The following USP2 variants were observed in gnomAD, a reference collection of about 807,000 sequenced individuals.
The protein encoded by USP2 is ubiquitin carboxyl-terminal hydrolase 2.
USP2 carries 33 observed loss-of-function variants against 72.0 expected under a neutral mutation model. The observed-to-expected ratio is 0.46, with a 90% CI of 0.35 to 0.61. The LOEUF is 0.61. Ranked by LOEUF, USP2 falls within the 20% of genes least tolerant of loss-of-function variation. The probability of loss-of-function intolerance (pLI) is 0.01; values close to 1 mark genes in which losing one functional copy is unlikely to be tolerated. For synonymous variants in USP2, 296 were observed against 312.5 expected (o/e 0.95, Z 0.56); for missense variants, 691 against 797.8 (o/e 0.87, Z 1.61).
At chr11:119,369,366 T>C (rs1376166897) in intron 2 of USP2, among the ~76,000 whole-genome samples, 1 of 151,776 alleles carries the variant, frequency 6.6e-6, no homozygotes, top group Non-Finnish European at 1.5e-5. Context: ...TGCCTATTAC[T>C]GTTAATGAGG....
chr11:119,361,272 G>A (rs1447144054), intron 2 of USP2, among the ~76,000 whole-genome samples: 3 of 152,242 alleles, frequency 2.0e-5, no homozygotes, highest in Admixed American at 1.3e-4. Context: ...GCCCTATAGC[G>A]GAGGCGGGTG....
chr11:119,361,360 A>G (rs1020249032), intron 2 of USP2, among the ~76,000 whole-genome samples: 2 of 152,190 alleles, frequency 1.3e-5, no homozygotes, highest in African/African-American at 4.8e-5. Context: ...AATCCTGGGC[A>G]TATCTCCAAG....
chr11:119,380,543 G>T (rs1951048119), intron 1 of USP2, among the ~76,000 whole-genome samples: 1 of 152,110 alleles, frequency 6.6e-6, no homozygotes, highest in South Asian at 2.1e-4. Flanking sequence ...CTCTGGCCTT[G>T]GTGCACTTGT....
chr11:119,369,701 C>T (rs774045026), intron 2 of USP2, among the ~76,000 whole-genome samples: 9 of 152,104 alleles, frequency 5.9e-5, no homozygotes, highest in Non-Finnish European at 1.2e-4. Flanking sequence ...GCAGGGCGGG[C>T]GTGATTGTTC....
At chr11:119,364,157 C>T in intron 2 of USP2, 1 of 1,206,034 alleles carries the variant, frequency 8.3e-7, no homozygotes, top group Non-Finnish European at 1.0e-6. Flanking sequence ...CTCAACCTCC[C>T]CGGCGTGCGC....
At chr11:119,377,010 A>C (rs1034461537) in intron 1 of USP2, among the ~76,000 whole-genome samples, 1 of 152,288 alleles carries the variant, frequency 6.6e-6, no homozygotes, top group Non-Finnish European at 1.5e-5. Context: ...AAACATTTTC[A>C]CAATTAAAAA....
chr11:119,371,876 G>C (rs919170190), intron 2 of USP2, among the ~76,000 whole-genome samples: 1 of 152,194 alleles, frequency 6.6e-6, no homozygotes, highest in African/African-American at 2.4e-5. Context: ...CCCATTGTGG[G>C]AGGCACGTGG....
chr11:119,380,936 GGGCTTCCCTTGACT>G (rs1429873239), intron 1 of USP2: 1 of 156,174 alleles, frequency 6.4e-6, no homozygotes, highest in Non-Finnish European at 1.4e-5. Context: ...GGGTTGGCTA[GGGCTTCCCTTGACT>G]GTTGAGAAGT....
chr11:119,380,680 C>T (rs1338147875), intron 1 of USP2: 1 of 154,350 alleles, frequency 6.5e-6, no homozygotes, highest in East Asian at 1.9e-4. Flanking sequence ...CAGAGGACGC[C>T]CTCATTCCAG....
At chr11:119,378,181 G>A (rs973117869) in intron 1 of USP2, among the ~76,000 whole-genome samples, 2 of 152,076 alleles carry the variant, frequency 1.3e-5, no homozygotes, top group African/African-American at 4.8e-5. Flanking sequence ...GTGAGAGGGG[G>A]CCCTGTATCC....
chr11:119,379,376 GGT>G, intron 1 of USP2: 5 of 724,626 alleles, frequency 6.9e-6, no homozygotes, highest in Non-Finnish European at 6.8e-6. Flanking sequence ...GAGGGGTGGG[GGT>G]GGAACTTGAG....
intron 2 of USP2, among the ~76,000 whole-genome samples, chr11:119,366,042 G>A (rs138670632): frequency 0.012 from 1,882 of 151,978 alleles, 44 homozygotes; most frequent in African/African-American, 0.042. Flanking sequence ...TTACAGGTGC[G>A]CACCACCACG....
At chr11:119,367,580 T>C (rs996175812) in intron 2 of USP2, among the ~76,000 whole-genome samples, 3 of 152,198 alleles carry the variant, frequency 2.0e-5, no homozygotes, top group African/African-American at 4.8e-5. Context: ...ACAGTGCACC[T>C]TGGGGAGAGA....
chr11:119,369,157 C>T (rs1393866549), intron 2 of USP2, among the ~76,000 whole-genome samples: 2 of 152,152 alleles, frequency 1.3e-5, no homozygotes, highest in African/African-American at 2.4e-5. Flanking sequence ...GCATTTTAAG[C>T]AGAAGGTGAA....
At chr11:119,371,929 C>T (rs370011175) in intron 2 of USP2, among the ~76,000 whole-genome samples, 2 of 152,182 alleles carry the variant, frequency 1.3e-5, no homozygotes, top group African/African-American at 4.8e-5. Context: ...CCTCTGAGAG[C>T]TTGCCACCTA....
intron 2 of USP2, among the ~76,000 whole-genome samples, chr11:119,366,516 T>C (rs1170154836): frequency 6.6e-6 from 1 of 152,238 alleles, no homozygotes; most frequent in African/African-American, 2.4e-5. Flanking sequence ...GCTTTATAAG[T>C]GTTTCAAAGA....
At chr11:119,363,723 G>A in intron 2 of USP2, 1 of 673,280 alleles carries the variant, frequency 1.5e-6, no homozygotes. Flanking sequence ...GGAGACCCTG[G>A]GAAAGGAGGG....
At chr11:119,370,190 C>A (rs906012572) in intron 2 of USP2, among the ~76,000 whole-genome samples, 11 of 152,138 alleles carry the variant, frequency 7.2e-5, no homozygotes, top group African/African-American at 2.7e-4. Context: ...AAAAACAAAA[C>A]AAAACAAACT....
intron 2 of USP2, among the ~76,000 whole-genome samples, chr11:119,365,898 G>GTT (rs59501313): frequency 9.2e-5 from 13 of 140,860 alleles, no homozygotes; most frequent in African/African-American, 1.8e-4. Flanking sequence ...TATTTGTTTT[G>GTT]TTTTTTTTTT....
Sources: gnomAD v4.1 joint callset for allele counts (sites outside exome capture counted in the v4.1 genomes callset) on GRCh38, gnomAD v4.1.1 for gene constraint, MANE v1.5 for transcripts, NCBI Gene and HGNC (gene_info 2026-07-23, HGNC 2026-07-21) for gene names.